Variants in VTI1A observed in about 807,000 individuals in gnomAD.
VTI1A encodes vesicle transport through interaction with t-SNAREs homolog 1A.
Under a neutral mutation model 34.9 loss-of-function variants are expected in VTI1A, and 22 were observed. The observed-to-expected ratio is 0.63, with a 90% CI of 0.45 to 0.90. The LOEUF (loss-of-function observed/expected upper bound fraction) is 0.90. Ranked by LOEUF, VTI1A falls within the 40% of genes least tolerant of loss-of-function variation. The probability of loss-of-function intolerance (pLI) is 0.00; values close to 1 mark genes in which losing one functional copy is unlikely to be tolerated. For synonymous variants in VTI1A, 87 were observed against 97.3 expected (o/e 0.89, Z 0.62); for missense variants, 268 against 275.6 (o/e 0.97, Z 0.20).
intron 7 of VTI1A, among the ~76,000 whole-genome samples, chr10:112,755,548 A>G (rs898245419): frequency 6.6e-6 from 1 of 152,206 alleles, no homozygotes; most frequent in Non-Finnish European, 1.5e-5. Flanking sequence ...CAGCGCCCAT[A>G]AACAGATTAC....
chr10:112,673,321 A>G (rs1337195802), intron 7 of VTI1A, among the ~76,000 whole-genome samples: 3 of 151,776 alleles, frequency 2.0e-5, no homozygotes, highest in Admixed American at 6.6e-5. Flanking sequence ...ATCTCAAAAA[A>G]AAAAAAAAAA....
Position 112,538,309 on chromosome 10 carries a change from T to C in VTI1A, c.406T>C (p.Tyr136His), listed in dbSNP as rs1850729414. 1 of 1,613,696 alleles carries C rather than the reference T, an allele frequency of 6.2e-7. No individual in the cohort carries two copies. Among genetic ancestry groups the C allele is most frequent in the Non-Finnish European group, 8.5e-7 (1 of 1,179,790 alleles). Residue 136 changes from tyrosine to histidine, a missense_variant, in exon 5 of 8, where the codon TAC becomes CAC. Coordinates refer to ENST00000393077, the MANE Select transcript of VTI1A (RefSeq NM_145206.4). ...ERSSRRLEAGYQIAVETEQIG... is the reference protein window; with the variant it reads ...ERSSRRLEAGHQIAVETEQIG... ...GTCATCTCGGAGACTAGAGGCTGGA[T>C]ACCAAATAGCAGTGGAAACCGGTAA...
At chr10:112,814,506 G>T (rs1378517121) in intron 7 of VTI1A, among the ~76,000 whole-genome samples, 1 of 152,106 alleles carries the variant, frequency 6.6e-6, no homozygotes, top group African/African-American at 2.4e-5. Context: ...CTCATCAGAA[G>T]CTCTCTGCAG....
chr10:112,846,765 CA>C, the VTI1A span, among the ~76,000 whole-genome samples: 219 of 60,604 alleles, frequency 3.6e-3, no homozygotes, highest in Admixed American at 5.0e-3. Context: ...GACTCCGTCT[CA>C]AAAAAAAAAA....
At chr10:112,717,868 A>G (rs1849664641) in intron 7 of VTI1A, among the ~76,000 whole-genome samples, 1 of 152,184 alleles carries the variant, frequency 6.6e-6, no homozygotes, top group African/African-American at 2.4e-5. Context: ...AGTTTTGGAA[A>G]ATACAATCTG....
At chr10:112,547,654 C>A (rs1452394111) in intron 5 of VTI1A, among the ~76,000 whole-genome samples, 1 of 151,964 alleles carries the variant, frequency 6.6e-6, no homozygotes, top group Admixed American at 6.5e-5. Context: ...TTCCACTGAC[C>A]TGTTTTACAT....
intron 5 of VTI1A, among the ~76,000 whole-genome samples, chr10:112,566,225 G>A (rs369062371): frequency 6.6e-6 from 1 of 151,954 alleles, no homozygotes; most frequent in East Asian, 1.9e-4. Flanking sequence ...ATTACACACT[G>A]CATTTTAATG....
intron 5 of VTI1A, among the ~76,000 whole-genome samples, chr10:112,637,153 A>T (rs1273071274): frequency 6.6e-6 from 1 of 152,158 alleles, no homozygotes; most frequent in East Asian, 1.9e-4. Context: ...TTCTTTTTTT[A>T]AAAGGAAAAC....
At chr10:112,523,429 A>G (rs369241870) in intron 3 of VTI1A, among the ~76,000 whole-genome samples, 4 of 152,062 alleles carry the variant, frequency 2.6e-5, no homozygotes, top group African/African-American at 9.7e-5. Flanking sequence ...TTTATTTGTC[A>G]TATTTTTTTC....
chr10:112,589,997 A>G (rs1023536130), intron 5 of VTI1A, among the ~76,000 whole-genome samples: 1 of 152,186 alleles, frequency 6.6e-6, no homozygotes, highest in South Asian at 2.1e-4. Flanking sequence ...TTGAAGGGCC[A>G]AACCTTAATG....
At chr10:112,551,161 G>C (rs111561109) in intron 5 of VTI1A, among the ~76,000 whole-genome samples, 213 of 149,098 alleles carry the variant, frequency 1.4e-3, no homozygotes, top group African/African-American at 5.1e-3. Flanking sequence ...GGAGAATGGT[G>C]TGAACCCGGC....
At chr10:112,489,725 A>G (rs143584059) in intron 3 of VTI1A, among the ~76,000 whole-genome samples, 86 of 152,358 alleles carry the variant, frequency 5.6e-4, no homozygotes, top group Non-Finnish European at 1.0e-3. Flanking sequence ...TAGAGTTCAT[A>G]TGCTGTGTCA....
At chr10:112,523,768 G>C (rs1250907164) in intron 3 of VTI1A, among the ~76,000 whole-genome samples, 4 of 152,030 alleles carry the variant, frequency 2.6e-5, no homozygotes, top group African/African-American at 9.7e-5. Flanking sequence ...TTCTTGATTT[G>C]CCTGGTTAGC....
chr10:112,828,744 T>A, the VTI1A span, among the ~76,000 whole-genome samples: 3 of 151,384 alleles, frequency 2.0e-5, no homozygotes, highest in African/African-American at 7.3e-5. Flanking sequence ...GGGCATGGTG[T>A]CTCATGCCTG....
At position 112,794,707 on chromosome 10, in the gene VTI1A, G is replaced by T. The variant is rs187986206; in HGVS notation, c.561-20583G>T. ...TTGCAAAATTCAGATCATACTATACGTACTATTTGTAACCCTTGCTTTTTA... is the reference window on the plus strand; with the variant it reads ...TTGCAAAATTCAGATCATACTATACTTACTATTTGTAACCCTTGCTTTTTA... On this transcript the variant is annotated intron_variant, in intron 7 of 7. Coordinates refer to ENST00000393077, the MANE Select transcript of VTI1A (RefSeq NM_145206.4). Among the ~76,000 whole-genome samples, 959 of 151,946 alleles carry T rather than the reference G, an allele frequency of 6.3e-3. 2 individuals are homozygous for T. Among genetic ancestry groups the T allele is most frequent in the Non-Finnish European group, 0.011 (732 of 67,988 alleles).
At chr10:112,549,851 C>T (rs960722067) in intron 5 of VTI1A, among the ~76,000 whole-genome samples, 2 of 152,054 alleles carry the variant, frequency 1.3e-5, no homozygotes, top group South Asian at 4.1e-4. Context: ...AGTCTGATAT[C>T]TCAAAAAGCT....
chr10:112,853,619 GTGT>G, the VTI1A span, among the ~76,000 whole-genome samples: 84 of 152,294 alleles, frequency 5.5e-4, no homozygotes, highest in African/African-American at 2.0e-3. Context: ...CTGAGACCTC[GTGT>G]TGTTCTTCAA....
At chr10:112,703,641 A>G (rs1332436044) in intron 7 of VTI1A, among the ~76,000 whole-genome samples, 1 of 152,240 alleles carries the variant, frequency 6.6e-6, no homozygotes, top group African/African-American at 2.4e-5. Context: ...TTGTAAATGT[A>G]TATTTTAAGT....
At position 112,457,685 on chromosome 10, in the gene VTI1A, T is replaced by G. The variant is rs1847585021; in HGVS notation, c.95-2839T>G. ...ATCATAAATACATAATATGATAGTT[T>G]TAAAATGGATGAAATTGCCCAGGGA... On this transcript the variant is annotated intron_variant, in intron 1 of 7. Transcript: ENST00000393077. Among the ~76,000 whole-genome samples the G allele has an allele frequency of 2.6e-5, 4 of 152,094 alleles. No homozygotes were observed. The South Asian group carries it at 8.3e-4, about 32-fold the overall frequency.
Sources: allele counts gnomAD v4.1 joint callset (sites outside exome capture counted in the v4.1 genomes callset), GRCh38; gene constraint gnomAD v4.1.1; transcripts MANE v1.5; gene names NCBI Gene and HGNC (gene_info 2026-07-23, HGNC 2026-07-21).